AKAP6: variants seen among roughly 807,000 people sequenced by gnomAD.
AKAP6 encodes the protein A-kinase anchor protein 6.
A neutral mutation model predicts 188.5 loss-of-function variants in AKAP6; 58 were observed. That is an observed-to-expected ratio of 0.31 (90% CI 0.25 to 0.38). The LOEUF (loss-of-function observed/expected upper bound fraction) is 0.38, where lower values mean the gene tolerates loss of function less well. AKAP6 is among the 10% of genes least tolerant of loss of function. AKAP6 has a pLI of 1.00. For synonymous variants in AKAP6, 989 were observed against 998.6 expected, an observed-to-expected ratio of 0.99 and a Z score of 0.18; for missense variants, 2,710 against 2,740.0, an observed-to-expected ratio of 0.99 and a Z score of 0.24.
chr14:32,552,115 T>C (rs564934900), intron 4 of AKAP6, among the ~76,000 whole-genome samples: 1 of 152,336 alleles, frequency 6.6e-6, no homozygotes, highest in East Asian at 1.9e-4. Context: ...CAATGCCTGG[T>C]GTACAGTAAT....
At chr14:32,429,486 C>G (rs1890145600) in intron 1 of AKAP6, among the ~76,000 whole-genome samples, 1 of 151,994 alleles carries the variant, frequency 6.6e-6, no homozygotes, top group Non-Finnish European at 1.5e-5. Context: ...TTGTTAAAAT[C>G]AGAAAAAGAG....
intron 9 of AKAP6, among the ~76,000 whole-genome samples, chr14:32,715,138 A>T (rs188922723): frequency 2.0e-5 from 3 of 152,172 alleles, no homozygotes; most frequent in Admixed American, 1.3e-4. Flanking sequence ...CGTCAAATTC[A>T]ACTAACAATT....
In AKAP6 at chr14:32,546,664, C is replaced by G. The variant is rs1883213518; in HGVS notation, c.2011C>G (p.Leu671Val). The change falls in exon 4 of 14, where the codon CTG (leucine) becomes GTG (valine). Residue 671 changes from leucine to valine, a missense_variant. Physicochemically the swap from Leu to Val is conservative, Grantham distance 32. Around this residue, in one of 2 missense-constraint regions of AKAP6, gnomAD observed 2,473 missense variants for 2,426.1 expected, o/e 1.02. Coordinates refer to ENST00000280979, the MANE Select transcript of AKAP6 (RefSeq NM_004274.5). ...CATCCAGAATATTGATGACTGGGAACTGTCTGAAATGAATTCAGATTCTGA... is the reference window on the plus strand; with the variant it reads ...CATCCAGAATATTGATGACTGGGAAGTGTCTGAAATGAATTCAGATTCTGA... ...ETIQNIDDWE[L>V]SEMNSDSEIY... 5.6e-6 allele frequency: 9 copies of G among 1,614,164 alleles called. No homozygotes were observed. In the East Asian group the frequency reaches 2.0e-4, roughly 36 times the overall value.
chr14:32,512,036 C>G lies in AKAP6; in HGVS notation c.325-23518C>G, dbSNP rs189997583. Among the ~76,000 whole-genome samples, 180 of 152,196 alleles carry G rather than the reference C, an allele frequency of 1.2e-3. 2 individuals are homozygous for G. The highest frequency in any genetic ancestry group is 4.3e-3 in the African/African-American group (179 of 41,528). Reference sequence around the variant, plus strand: ...TTTGTTTCTTTAATTTTATTACTTACTTTACTTGTTAATTTACTTGTAGAC... The same window carrying G: ...TTTGTTTCTTTAATTTTATTACTTAGTTTACTTGTTAATTTACTTGTAGAC... On this transcript the variant is annotated intron_variant, in intron 2 of 13. Transcript: ENST00000280979.
intron 1 of AKAP6, among the ~76,000 whole-genome samples, chr14:32,341,716 T>A (rs1291393108): frequency 6.6e-6 from 1 of 152,162 alleles, no homozygotes; most frequent in Non-Finnish European, 1.5e-5. Context: ...CAGAATAATG[T>A]TTTATTTTGT....
chr14:32,588,406 A>G (rs1885343198), intron 5 of AKAP6, among the ~76,000 whole-genome samples: 1 of 152,162 alleles, frequency 6.6e-6, no homozygotes, highest in Non-Finnish European at 1.5e-5. Context: ...TTATTGTAAC[A>G]CCAATTGAGA....
At chr14:32,555,662 T>C (rs1883655759) in intron 4 of AKAP6, among the ~76,000 whole-genome samples, 1 of 152,212 alleles carries the variant, frequency 6.6e-6, no homozygotes, top group Admixed American at 6.5e-5. Flanking sequence ...ATTTTGACTG[T>C]TCTAAGTATC....
At chr14:32,688,532 A>G (rs940646763) in intron 8 of AKAP6, among the ~76,000 whole-genome samples, 1 of 152,180 alleles carries the variant, frequency 6.6e-6, no homozygotes, top group African/African-American at 2.4e-5. Flanking sequence ...TACCCAAAGA[A>G]TAAAATGAAA....
At chr14:32,547,835 C>A (rs923303804) in intron 4 of AKAP6, among the ~76,000 whole-genome samples, 32 of 127,850 alleles carry the variant, frequency 2.5e-4, no homozygotes. Context: ...CAGAGTGAGA[C>A]CCTGTCTCAA....
At chr14:32,667,746 G>C (rs914825748) in intron 7 of AKAP6, among the ~76,000 whole-genome samples, 1 of 151,914 alleles carries the variant, frequency 6.6e-6, no homozygotes, top group East Asian at 1.9e-4. Flanking sequence ...CAGTATAAAG[G>C]CACACTTGTT....
chr14:32,509,482 A>G (rs1174795207), intron 2 of AKAP6, among the ~76,000 whole-genome samples: 2 of 152,132 alleles, frequency 1.3e-5, no homozygotes, highest in Non-Finnish European at 2.9e-5. Context: ...TTTTTGTCTT[A>G]TCTTTTCTAA....
At chr14:32,402,898 TTTTTTGTG>T (rs1285658317) in intron 1 of AKAP6, 1 of 152,014 alleles carries the variant, frequency 6.6e-6, no homozygotes, top group Non-Finnish European at 1.5e-5. Flanking sequence ...CCTGGCTAAT[TTTTTTGTG>T]TTTTTAGTAG....
chr14:32,780,175 TGCTTATACAC>T (rs2033202198), intron 12 of AKAP6, among the ~76,000 whole-genome samples: 5 of 146,478 alleles, frequency 3.4e-5, no homozygotes, highest in East Asian at 4.0e-4. Flanking sequence ...TATATATGCA[TGCTTATACAC>T]ATATACACAC....
intron 8 of AKAP6, chr14:32,693,314 GA>G (rs1196464574): frequency 6.6e-6 from 1 of 152,186 alleles, no homozygotes; most frequent in African/African-American, 2.4e-5. Context: ...GGTCTGGATT[GA>G]GAGGCCCACC....
intron 2 of AKAP6, among the ~76,000 whole-genome samples, chr14:32,512,899 T>C (rs1356755116): frequency 1.3e-5 from 2 of 152,168 alleles, no homozygotes; most frequent in African/African-American, 4.8e-5. Context: ...TTTGGGTTAG[T>C]GAAAGTAAAC....
At chr14:32,368,952 G>A (rs942365566) in intron 1 of AKAP6, among the ~76,000 whole-genome samples, 1 of 152,016 alleles carries the variant, frequency 6.6e-6, no homozygotes, top group Non-Finnish European at 1.5e-5. Flanking sequence ...AGTGTTAAGT[G>A]GGGGAGTGAT....
intron 9 of AKAP6, among the ~76,000 whole-genome samples, chr14:32,704,052 C>T (rs1417083220): frequency 6.6e-6 from 1 of 152,092 alleles, no homozygotes; most frequent in Non-Finnish European, 1.5e-5. Context: ...AGAGTATTCC[C>T]CTCCTCTGAC....
At position 32,546,139 on chromosome 14, in the gene AKAP6, A is replaced by C. The variant is rs370689972; in HGVS notation, c.1486A>C (p.Lys496Gln). The C allele has an allele frequency of 6.2e-7, 1 of 1,613,902 alleles. No homozygotes were observed. The highest frequency in any genetic ancestry group is 8.5e-7 in the Non-Finnish European group (1 of 1,179,962). ...NDCYKEKSRL[K>Q]KPHKTSEEVP... is the part of the protein sequence containing the mutation. ...CTGCTATAAAGAGAAATCTCGACTT[A>C]AAAAGCCACACAAGACCTCAGAAGA... The change falls in exon 4 of 14, where the codon AAA becomes CAA. Residue 496 changes from lysine (K) to glutamine (Q), a missense_variant. Coordinates refer to ENST00000280979, the MANE Select transcript of AKAP6 (RefSeq NM_004274.5).
chr14:32,417,455 C>T (rs1889694908), intron 1 of AKAP6, among the ~76,000 whole-genome samples: 3 of 152,150 alleles, frequency 2.0e-5, no homozygotes, highest in East Asian at 1.9e-4. Context: ...TTTTTCTCCA[C>T]GTATTTCTCT....
Sources: gnomAD v4.1 joint callset for allele counts (sites outside exome capture counted in the v4.1 genomes callset) on GRCh38, gnomAD v4.1.1 for gene constraint, gnomAD v4.1.1 regional missense constraint, MANE v1.5 for transcripts, NCBI Gene and HGNC (gene_info 2026-07-23, HGNC 2026-07-21) for gene names.